The following ERC1 variants were observed in gnomAD, a reference collection of about 807,000 sequenced individuals.
ERC1 encodes RAB6 interacting protein 2.
Under a neutral mutation model 132.0 loss-of-function variants are expected in ERC1, and 56 were observed. The ratio of observed to expected loss-of-function variants is 0.42; its 90% CI spans 0.34 to 0.53. The LOEUF (loss-of-function observed/expected upper bound fraction) is 0.53. ERC1 is among the 20% of genes least tolerant of loss of function. The pLI, the probability that ERC1 is intolerant of heterozygous loss-of-function variation, is 0.03. For synonymous variants in ERC1, 478 were observed against 476.1 expected, an observed-to-expected ratio of 1.00 and a Z score of -0.05; for missense variants, 1,202 against 1,349.9, an observed-to-expected ratio of 0.89 and a Z score of 1.72.
chr12:1,126,986 C>CAAAAAAA lies in ERC1; in HGVS notation c.1569+10974_1569+10980dup, dbSNP rs71055135. On this transcript the variant is annotated intron_variant, in intron 7 of 18. Transcript: ENST00000360905. ...CTGGCGACAGAGTGAGATTCTGTCT[C>CAAAAAAA]AAAAAAAAAAAAAAAAAAAAAAAAA... 6.7e-4 allele frequency among the ~76,000 whole-genome samples: 77 copies of CAAAAAAA among 114,176 alleles called. 1 individual carries two copies. The highest frequency in any genetic ancestry group is 3.9e-3 in the East Asian group (18 of 4,566). The allele number at this position is 114,176 out of a possible 152,430, so 74.9% of individuals were successfully genotyped here. A position where few individuals can be genotyped will look rare whatever the true frequency, so the allele number is the denominator to read the frequency against.
At chr12:1,140,813 C>A (rs1437235534) in intron 7 of ERC1, among the ~76,000 whole-genome samples, 1 of 151,744 alleles carries the variant, frequency 6.6e-6, no homozygotes, top group Non-Finnish European at 1.5e-5. Flanking sequence ...CATTAGATAT[C>A]AAAGAGTTAG....
chr12:991,439 G>A (rs1959214068), intron 1 of ERC1, 117 bp downstream of exon 1: 1 of 152,990 alleles, frequency 6.5e-6, no homozygotes, highest in African/African-American at 2.4e-5. Context: ...TCACGGCCCG[G>A]GCTGGGCTGG....
rs2094325340 is a variant in ERC1, at chr12:1,492,364, T to G, written c.*2134T>G. ...GCATCTCGCTTTATCCACCATAACG[T>G]AAAGAACTGCGGTGTGATAACAGCC... On this transcript the variant is annotated 3_prime_UTR_variant, in exon 19 of 19. Transcript: ENST00000360905. 1 of 233,046 alleles carries G rather than the reference T, an allele frequency of 4.3e-6. No individual in the cohort carries two copies. Among genetic ancestry groups the G allele is most frequent in the Non-Finnish European group, 8.5e-6 (1 of 118,004 alleles). The allele number at this position is 233,046 out of a possible 1,614,324, so 14.4% of individuals were successfully genotyped here.
chr12:1,114,553 A>G (rs566819363), intron 6 of ERC1, among the ~76,000 whole-genome samples: 1 of 152,238 alleles, frequency 6.6e-6, no homozygotes, highest in Admixed American at 6.5e-5. Flanking sequence ...TCATACAACA[A>G]ATGTGTTTTT....
intron 13 of ERC1, among the ~76,000 whole-genome samples, chr12:1,240,348 T>C (rs1404424728): frequency 6.6e-6 from 1 of 152,192 alleles, no homozygotes; most frequent in Non-Finnish European, 1.5e-5. Flanking sequence ...TTATCTTTCC[T>C]ATACTTTTGC....
At chr12:1,242,261 C>A (rs949724351) in intron 13 of ERC1, among the ~76,000 whole-genome samples, 10 of 152,138 alleles carry the variant, frequency 6.6e-5, no homozygotes, top group Admixed American at 1.3e-4. Context: ...TTTGAAACAT[C>A]ATTTGAGTGT....
chr12:1,349,285 G>C (rs1327200600), intron 15 of ERC1, among the ~76,000 whole-genome samples: 2 of 152,184 alleles, frequency 1.3e-5, no homozygotes, highest in Non-Finnish European at 2.9e-5. Context: ...TGGCTTCAAG[G>C]CTTCAGTAAA....
intron 7 of ERC1, among the ~76,000 whole-genome samples, chr12:1,128,661 G>C (rs1412114600): frequency 6.6e-6 from 1 of 152,020 alleles, no homozygotes; most frequent in Non-Finnish European, 1.5e-5. Context: ...AATGTTGTGA[G>C]AATTAAATGT....
chr12:1,131,724 A>G (rs1241124302), intron 7 of ERC1, among the ~76,000 whole-genome samples: 1 of 152,138 alleles, frequency 6.6e-6, no homozygotes, highest in Non-Finnish European at 1.5e-5. Context: ...TTGGCCTCCC[A>G]AAGTGCTGGG....
chr12:1,068,536 A>AT (rs1336023312), intron 2 of ERC1, among the ~76,000 whole-genome samples: 1 of 152,146 alleles, frequency 6.6e-6, no homozygotes, highest in Admixed American at 6.5e-5. Flanking sequence ...GATGCTTAGC[A>AT]TTTTTTTGTG....
At chr12:1,379,192 A>C (rs2088316542) in intron 16 of ERC1, among the ~76,000 whole-genome samples, 1 of 152,182 alleles carries the variant, frequency 6.6e-6, no homozygotes, top group Non-Finnish European at 1.5e-5. Context: ...GTTTTACCAT[A>C]AGCAGCAAGA....
intron 12 of ERC1, among the ~76,000 whole-genome samples, chr12:1,231,064 T>TG (rs2074995028): frequency 6.6e-6 from 1 of 152,194 alleles, no homozygotes; most frequent in African/African-American, 2.4e-5. Context: ...AAGTAATTAT[T>TG]GATAGTTAAG....
At chr12:1,221,782 T>A (rs1959007595) in intron 12 of ERC1, among the ~76,000 whole-genome samples, 1 of 152,200 alleles carries the variant, frequency 6.6e-6, no homozygotes, top group Admixed American at 6.5e-5. Context: ...TTTTATGTCT[T>A]AATTTTTATG....
At chr12:1,388,143 G>A (rs956203052) in intron 16 of ERC1, among the ~76,000 whole-genome samples, 7 of 152,108 alleles carry the variant, frequency 4.6e-5, no homozygotes, top group African/African-American at 1.7e-4. Context: ...GGGCGGATCA[G>A]GAGGTCAGAA....
chr12:1,461,805 A>G (rs917475591), intron 18 of ERC1, among the ~76,000 whole-genome samples: 10 of 152,250 alleles, frequency 6.6e-5, no homozygotes, highest in Non-Finnish European at 1.3e-4. Context: ...AACTACCCCC[A>G]ATTCAGCAGG....
chr12:1,066,293 AC>A (rs1358460261), intron 2 of ERC1, among the ~76,000 whole-genome samples: 5 of 152,316 alleles, frequency 3.3e-5, no homozygotes, highest in Non-Finnish European at 5.9e-5. Context: ...TGGAGCCTTC[AC>A]ATATATTGAT....
At chr12:1,174,483 C>T (rs1953463994) in intron 8 of ERC1, among the ~76,000 whole-genome samples, 1 of 152,232 alleles carries the variant, frequency 6.6e-6, no homozygotes, top group Non-Finnish European at 1.5e-5. Context: ...TTACCTGTTT[C>T]AGCAGCTTCT....
chr12:1,272,799 T>G (rs2077957091), intron 14 of ERC1, among the ~76,000 whole-genome samples: 1 of 151,726 alleles, frequency 6.6e-6, no homozygotes, highest in African/African-American at 2.4e-5. Flanking sequence ...AATACAAAAA[T>G]TAGCTGGGCG....
intron 8 of ERC1, among the ~76,000 whole-genome samples, chr12:1,145,308 C>T (rs181181088): frequency 3.8e-4 from 58 of 152,300 alleles, no homozygotes; most frequent in Admixed American, 1.6e-3. Context: ...TGAGCCACCG[C>T]ACCCAGCCCT....
Sources: gnomAD v4.1 joint callset for allele counts (sites outside exome capture counted in the v4.1 genomes callset) on GRCh38, gnomAD v4.1.1 for gene constraint, MANE v1.5 for transcripts, NCBI Gene and HGNC (gene_info 2026-07-23, HGNC 2026-07-21) for gene names.